The following COP1 variants were observed in gnomAD, a reference collection of about 807,000 sequenced individuals.
The protein encoded by COP1 is E3 ubiquitin-protein ligase COP1.
In COP1, 24 loss-of-function variants were observed where a neutral mutation model predicts 101.3. That is an observed-to-expected ratio of 0.24 (90% CI 0.17 to 0.33). COP1 has a LOEUF of 0.33. COP1 is among the 10% of genes least tolerant of loss of function. The probability of loss-of-function intolerance (pLI) is 1.00; values close to 1 mark genes in which losing one functional copy is unlikely to be tolerated. For synonymous variants in COP1, 347 were observed against 341.9 expected (o/e 1.01, Z -0.17); for missense variants, 663 against 906.2 (o/e 0.73, Z 3.45).
At chr1:175,949,780 C>T (rs1448935741) in intron 18 of COP1, among the ~76,000 whole-genome samples, 3 of 152,116 alleles carry the variant, frequency 2.0e-5, no homozygotes, top group Admixed American at 6.5e-5. Flanking sequence ...TCTCCTTCTG[C>T]CATTTTGGGT....
intron 9 of COP1, among the ~76,000 whole-genome samples, chr1:176,114,261 C>T (rs188510100): frequency 4.6e-5 from 7 of 151,970 alleles, no homozygotes; most frequent in African/African-American, 9.7e-5. Flanking sequence ...TTTTCATGAC[C>T]GTTCAGAAAC....
chr1:175,950,514 T>C (rs931000926), intron 18 of COP1, among the ~76,000 whole-genome samples: 3 of 152,240 alleles, frequency 2.0e-5, no homozygotes, highest in Admixed American at 2.0e-4. Flanking sequence ...TGGTTCTTGA[T>C]TGTATTTTGG....
rs546348768 is a variant in COP1 at position 175,978,402 on chromosome 1, T to C, written c.2133+8541A>G. 1.7e-3 allele frequency among the ~76,000 whole-genome samples: 256 copies of C among 152,304 alleles called. 1 individual carries two copies. Among genetic ancestry groups the C allele is most frequent in the African/African-American group, 5.9e-3 (245 of 41,568 alleles). Reference sequence around the variant, plus strand: ...ACCATAAAGTATCTAATGCAACAGATGTTTTCCCAGAGGCTGTCCACACAG... The same window carrying C: ...ACCATAAAGTATCTAATGCAACAGACGTTTTCCCAGAGGCTGTCCACACAG... On this transcript the variant is annotated intron_variant, in intron 18 of 19. Transcript: ENST00000367669.
intron 11 of COP1, among the ~76,000 whole-genome samples, chr1:176,070,115 C>T (rs1167244371): frequency 6.6e-6 from 1 of 152,170 alleles, no homozygotes; most frequent in Admixed American, 6.5e-5. Flanking sequence ...GCTCCTCCTC[C>T]AGTATCCCCA....
At chr1:176,030,095 A>G (rs4471223) in intron 14 of COP1, among the ~76,000 whole-genome samples, 148,045 of 152,222 alleles carry the variant, frequency 0.97, 72,133 homozygotes, top group East Asian at 1. Flanking sequence ...GGGACTACAG[A>G]TGCACACCAC....
intron 9 of COP1, among the ~76,000 whole-genome samples, chr1:176,099,294 G>A (rs558676888): frequency 6.6e-6 from 1 of 152,168 alleles, no homozygotes; most frequent in African/African-American, 2.4e-5. Flanking sequence ...GACTCATGAA[G>A]AACTAAAATG....
At chr1:175,993,828 T>C (rs1043604095) in intron 15 of COP1, among the ~76,000 whole-genome samples, 1 of 152,134 alleles carries the variant, frequency 6.6e-6, no homozygotes, top group African/African-American at 2.4e-5. Context: ...CTGCAGGATA[T>C]TATCCAGGAG....
intron 15 of COP1, among the ~76,000 whole-genome samples, chr1:176,002,300 T>C (rs1661835417): frequency 6.6e-6 from 1 of 152,104 alleles, no homozygotes; most frequent in African/African-American, 2.4e-5. Context: ...CAATGGATAA[T>C]CACAACTGAC....
At chr1:175,968,532 G>C (rs1201039166) in intron 18 of COP1, 2 of 517,670 alleles carry the variant, frequency 3.9e-6, no homozygotes, top group Non-Finnish European at 7.7e-6. Context: ...GGTTCCAGCA[G>C]CTTCCATTTC....
intron 2 of COP1, among the ~76,000 whole-genome samples, chr1:176,181,920 A>G (rs1697837814): frequency 6.6e-6 from 1 of 152,156 alleles, no homozygotes; most frequent in African/African-American, 2.4e-5. Context: ...TTGTATTATA[A>G]TAAGGATCTA....
intron 18 of COP1, among the ~76,000 whole-genome samples, chr1:175,948,807 C>G (rs552112813): frequency 3.5e-4 from 53 of 152,150 alleles, no homozygotes; most frequent in African/African-American, 1.3e-3. Context: ...GACATGTGGG[C>G]ATGGGAATTG....
chr1:176,120,776 G>A (rs569607011), intron 8 of COP1, among the ~76,000 whole-genome samples: 14 of 152,266 alleles, frequency 9.2e-5, no homozygotes, highest in African/African-American at 3.4e-4. Flanking sequence ...AGGTAGCCAA[G>A]AGAAAACAAT....
chr1:175,980,550 G>T (rs891973244), intron 18 of COP1, among the ~76,000 whole-genome samples: 3 of 152,082 alleles, frequency 2.0e-5, no homozygotes, highest in Admixed American at 6.6e-5. Flanking sequence ...GCTGCACTTG[G>T]TTTCAGAGAG....
intron 6 of COP1, among the ~76,000 whole-genome samples, chr1:176,142,427 T>C (rs1036947884): frequency 1.3e-5 from 2 of 151,936 alleles, no homozygotes; most frequent in African/African-American, 4.8e-5. Context: ...TCTGGCAGAG[T>C]AGATTTACAA....
intron 15 of COP1, among the ~76,000 whole-genome samples, chr1:176,010,568 C>A (rs957126291): frequency 2.0e-5 from 3 of 152,100 alleles, no homozygotes; most frequent in African/African-American, 7.2e-5. Flanking sequence ...ATGTTTTTGG[C>A]ACAAATACTA....
intron 1 of COP1, among the ~76,000 whole-genome samples, chr1:176,196,533 C>A (rs1699717705): frequency 6.6e-6 from 1 of 152,084 alleles, no homozygotes; most frequent in South Asian, 2.1e-4. Context: ...TACTAAAGTT[C>A]ATGAAATATA....
intron 15 of COP1, among the ~76,000 whole-genome samples, chr1:176,004,609 T>C (rs565220653): frequency 6.6e-6 from 1 of 152,216 alleles, no homozygotes; most frequent in South Asian, 2.1e-4. Flanking sequence ...ATTGAGATAA[T>C]CATGTGGTTT....
chr1:176,147,216 A>G (rs1282969450), intron 6 of COP1, among the ~76,000 whole-genome samples: 1 of 152,168 alleles, frequency 6.6e-6, no homozygotes, highest in Non-Finnish European at 1.5e-5. Flanking sequence ...TAAACACGCA[A>G]ATAGACTTAC....
intron 1 of COP1, among the ~76,000 whole-genome samples, chr1:176,205,228 T>C (rs1444668346): frequency 4.6e-5 from 7 of 152,246 alleles, no homozygotes; most frequent in African/African-American, 1.4e-4. Context: ...ACTCGCACTA[T>C]CGACTGTGTA....
Sources: gnomAD v4.1 joint callset for allele counts (sites outside exome capture counted in the v4.1 genomes callset) on GRCh38, gnomAD v4.1.1 for gene constraint, MANE v1.5 for transcripts, NCBI Gene and HGNC (gene_info 2026-07-23, HGNC 2026-07-21) for gene names.